The following CDH9 variants were observed in gnomAD, a reference collection of about 807,000 sequenced individuals.
CDH9 encodes the protein cadherin 9.
A neutral mutation model predicts 70.9 loss-of-function variants in CDH9; 28 were observed. That is an observed-to-expected ratio of 0.40 (90% CI 0.29 to 0.54). The LOEUF is 0.54. CDH9 is among the 20% of genes least tolerant of loss of function. The pLI, the probability that CDH9 is intolerant of heterozygous loss-of-function variation, is 0.59. For synonymous variants in CDH9, 409 were observed against 343.1 expected (o/e 1.19, Z -2.12); for missense variants, 874 against 984.4 (o/e 0.89, Z 1.50).
At position 26,901,819 on chromosome 5, in the gene CDH9, A is replaced by T. The variant is rs141200671; in HGVS notation, c.1253+657T>A. The stretch of plus-strand genomic sequence containing the variant: ...TAAAACCTTTAAAATGGTGAAAACT[A>T]TTCAAAATTTGGAAAGATATGCTAT... On this transcript the variant is annotated intron_variant, in intron 7 of 11. Transcript: ENST00000231021. 4.0e-3 allele frequency among the ~76,000 whole-genome samples: 615 copies of T among 151,956 alleles called. 5 individuals carry two copies. The highest frequency in any genetic ancestry group is 0.014 in the African/African-American group (585 of 41,516).
chr5:27,017,040 A>C (rs1042604484), intron 1 of CDH9, among the ~76,000 whole-genome samples: 1 of 151,784 alleles, frequency 6.6e-6, no homozygotes, highest in South Asian at 2.1e-4. Context: ...TGTTCTTTCT[A>C]TTCTTCTTTC....
At chr5:27,008,848 T>G (rs979734517) in intron 1 of CDH9, among the ~76,000 whole-genome samples, 1 of 152,178 alleles carries the variant, frequency 6.6e-6, no homozygotes, top group African/African-American at 2.4e-5. Context: ...CCACTATAAT[T>G]ATTTGTTCTA....
chr5:26,962,170 G>C (rs1474937318), intron 2 of CDH9, among the ~76,000 whole-genome samples: 2 of 152,002 alleles, frequency 1.3e-5, no homozygotes, highest in Non-Finnish European at 2.9e-5. Flanking sequence ...CCTTTTTATG[G>C]CTTCATAGTA....
chr5:26,930,514 AT>A (rs1481752265), intron 2 of CDH9, among the ~76,000 whole-genome samples: 11 of 152,134 alleles, frequency 7.2e-5, no homozygotes, highest in African/African-American at 2.7e-4. Flanking sequence ...GTTGAAAAAA[AT>A]CTGCATATAA....
At chr5:26,962,268 G>A (rs895013754) in intron 2 of CDH9, among the ~76,000 whole-genome samples, 1 of 152,092 alleles carries the variant, frequency 6.6e-6, no homozygotes, top group Admixed American at 6.6e-5. Flanking sequence ...GTTGTGAACA[G>A]TGCCACAATA....
intron 2 of CDH9, among the ~76,000 whole-genome samples, chr5:26,960,584 A>G (rs908421351): frequency 3.3e-5 from 5 of 151,972 alleles, no homozygotes; most frequent in African/African-American, 9.7e-5. Flanking sequence ...TGAAGCTTTG[A>G]CTGCTTTCAT....
intron 1 of CDH9, among the ~76,000 whole-genome samples, chr5:27,015,814 A>T (rs986333269): frequency 5.3e-4 from 81 of 151,860 alleles, no homozygotes; most frequent in African/African-American, 1.9e-3. Context: ...CTTATTAAGT[A>T]TATGAGGGTC....
chr5:26,959,924 A>T (rs1481635047), intron 2 of CDH9, among the ~76,000 whole-genome samples: 1 of 151,976 alleles, frequency 6.6e-6, no homozygotes, highest in African/African-American at 2.4e-5. Context: ...GGTGATGAAA[A>T]TGTTTTGGAA....
At position 26,903,707 on chromosome 5, in the gene CDH9, C is replaced by T. The variant is rs199818706; in HGVS notation, c.929G>A (p.Gly310Glu). The T allele has an allele frequency of 2.5e-6, 4 of 1,609,084 alleles. No homozygotes were observed. In the Admixed American group the frequency reaches 6.7e-5, roughly 27 times the overall value. ...GACATCGAACATGTCTGCACCATCTCCTTCAGCAATGCTATACTCCATTTC... is the reference window on the plus strand; with the variant it reads ...GACATCGAACATGTCTGCACCATCTTCTTCAGCAATGCTATACTCCATTTC... ...NAEMEYSIAE[G>E]DGADMFDVIT... Residue 310 changes from glycine (G) to glutamate (E), a missense_variant, in exon 6 of 12, where the codon GGA becomes GAA. Physicochemically the swap from Gly to Glu is moderately conservative, Grantham distance 98. Transcript: ENST00000231021.
chr5:26,970,560 T>G (rs891890688), intron 2 of CDH9, among the ~76,000 whole-genome samples: 3 of 152,158 alleles, frequency 2.0e-5, no homozygotes, highest in Admixed American at 2.0e-4. Flanking sequence ...TTGTTCAAGT[T>G]ACATCCTATT....
rs6892581 is a variant in CDH9 at position 26,998,596 on chromosome 5, G to A, written c.-49-10214C>T. ...GGTCTGTTGTGGGGTGGGGAGACGG[G>A]GGAGGGATAGCATTTGGAGATATAC... On this transcript the variant is annotated intron_variant, in intron 1 of 11. Coordinates refer to ENST00000231021, the MANE Select transcript of CDH9 (RefSeq NM_016279.4). Among the ~76,000 whole-genome samples the A allele has an allele frequency of 1.4e-3, 216 of 152,148 alleles. 1 individual carries two copies. The South Asian group carries it at 0.015, about 11-fold the overall frequency.
At chr5:27,022,086 T>C (rs1294975057) in intron 1 of CDH9, among the ~76,000 whole-genome samples, 1 of 152,028 alleles carries the variant, frequency 6.6e-6, no homozygotes, top group Non-Finnish European at 1.5e-5. Context: ...CATAACACTA[T>C]AGATAAAACA....
chr5:26,932,413 A>G (rs1048293317), intron 2 of CDH9, among the ~76,000 whole-genome samples: 8 of 149,764 alleles, frequency 5.3e-5, no homozygotes, highest in East Asian at 4.0e-4. Context: ...ATAAAAGAAA[A>G]AAAAACAAAA....
chr5:26,892,802 C>G (rs1740683136), intron 7 of CDH9, among the ~76,000 whole-genome samples: 1 of 152,268 alleles, frequency 6.6e-6, no homozygotes, highest in East Asian at 1.9e-4. Context: ...GCGATCTCGG[C>G]TCACTGCAAG....
chr5:26,976,549 C>T (rs150010438), intron 2 of CDH9, among the ~76,000 whole-genome samples: 18 of 152,142 alleles, frequency 1.2e-4, no homozygotes, highest in African/African-American at 4.1e-4. Context: ...GCAATCCTCC[C>T]ACCTCAGCCT....
intron 6 of CDH9, 54 bp downstream of exon 6, chr5:26,903,583 G>A (rs1487892658): frequency 3.3e-6 from 4 of 1,198,710 alleles, no homozygotes; most frequent in African/African-American, 1.5e-5. Context: ...TTACTGAAAA[G>A]CAAACGTAAA....
chr5:27,031,802 G>A (rs564371569), intron 1 of CDH9, among the ~76,000 whole-genome samples: 17 of 151,944 alleles, frequency 1.1e-4, no homozygotes, highest in South Asian at 2.1e-4. Flanking sequence ...CGCCTCTCGT[G>A]TCTTCATTCT....
chr5:27,012,424 G>A (rs1549641), intron 1 of CDH9, among the ~76,000 whole-genome samples: 68,349 of 151,662 alleles, frequency 0.45, 16,179 homozygotes, highest in Non-Finnish European at 0.5. Flanking sequence ...CAGTCTATAT[G>A]TATGAAAACA....
chr5:27,023,430 A>T (rs1743172788), intron 1 of CDH9, among the ~76,000 whole-genome samples: 1 of 152,116 alleles, frequency 6.6e-6, no homozygotes, highest in Admixed American at 6.6e-5. Flanking sequence ...ATACAATGCC[A>T]TATTTTACAT....
Sources: gnomAD v4.1 joint callset for allele counts (sites outside exome capture counted in the v4.1 genomes callset) on GRCh38, gnomAD v4.1.1 for gene constraint, MANE v1.5 for transcripts, NCBI Gene and HGNC (gene_info 2026-07-23, HGNC 2026-07-21) for gene names.